Variants in CRLS1 observed in about 807,000 individuals in gnomAD.
The protein encoded by CRLS1 is cardiolipin synthase 1.
Under a neutral mutation model 37.0 loss-of-function variants are expected in CRLS1, and 24 were observed. The ratio of observed to expected loss-of-function variants is 0.65; its 90% CI spans 0.47 to 0.91. CRLS1 has a LOEUF of 0.91. Ranked by LOEUF, CRLS1 falls within the 40% of genes least tolerant of loss-of-function variation. The probability of loss-of-function intolerance (pLI) is 0.00; values close to 1 mark genes in which losing one functional copy is unlikely to be tolerated. For synonymous variants in CRLS1, 135 were observed against 159.7 expected (o/e 0.85, Z 1.17); for missense variants, 373 against 395.8 (o/e 0.94, Z 0.49).
chr20:6,025,713 G>A (rs1979625479), intron 3 of CRLS1, among the ~76,000 whole-genome samples: 2 of 152,204 alleles, frequency 1.3e-5, no homozygotes, highest in African/African-American at 4.8e-5. Context: ...ATTCATGGGA[G>A]AAAGTCAAAA....
At chr20:6,018,565 G>T (rs560128262) in intron 3 of CRLS1, among the ~76,000 whole-genome samples, 1 of 152,296 alleles carries the variant, frequency 6.6e-6, no homozygotes, top group South Asian at 2.1e-4. Flanking sequence ...GTTGGTTTTT[G>T]TCAGTATCCT....
chr20:6,006,495 G>A lies in CRLS1; in HGVS notation c.249G>A (p.Ala83=), dbSNP rs1459399230. Residue 83 remains alanine (A), a synonymous_variant, in exon 1 of 7, where the codon GCG becomes GCA. Coordinates refer to ENST00000378863, the MANE Select transcript of CRLS1 (RefSeq NM_019095.6). ...GKAAPRPAAG[A]GAAAEAPGGQ... is the part of the protein sequence containing the mutation. Reference sequence around the variant, plus strand: ...CGGCTCCCAGGCCAGCGGCCGGAGCGGGCGCCGCTGCCGAAGCCCCGGGCG... The same window carrying A: ...CGGCTCCCAGGCCAGCGGCCGGAGCAGGCGCCGCTGCCGAAGCCCCGGGCG... 4 of 1,361,798 alleles carry A rather than the reference G, an allele frequency of 2.9e-6. No individual in the cohort carries two copies. The highest frequency in any genetic ancestry group is 1.8e-5 in the South Asian group (1 of 55,824). 84.4% of individuals were successfully genotyped at this position (1,361,798 alleles called of 1,614,324 possible). A position where few individuals can be genotyped will look rare whatever the true frequency, so the allele number is the denominator to read the frequency against.
At position 6,038,435 on chromosome 20, in the gene CRLS1, C is replaced by G. The variant is rs910023161; in HGVS notation, c.*1277C>G. 1 of 152,448 alleles carries G rather than the reference C, an allele frequency of 6.6e-6. No individual in the cohort carries two copies. Among genetic ancestry groups the G allele is most frequent in the South Asian group, 2.1e-4 (1 of 4,828 alleles). 9.4% of individuals were successfully genotyped at this position (152,448 alleles called of 1,614,324 possible). A position where few individuals can be genotyped will look rare whatever the true frequency, so the allele number is the denominator to read the frequency against. On this transcript the variant is annotated 3_prime_UTR_variant, in exon 7 of 7. Coordinates refer to ENST00000378863, the MANE Select transcript of CRLS1 (RefSeq NM_019095.6). ...ATGCCTCTTGGCCAGGCATTCTGCA[C>G]CAGCGTGTCCCTCTGTGGCTTGCTG...
chr20:6,008,304 A>T lies in CRLS1; in HGVS notation c.307-1471A>T, dbSNP rs1417815624. Among the ~76,000 whole-genome samples the T allele has an allele frequency of 2.0e-5, 3 of 152,182 alleles. No homozygotes were observed. In the East Asian group the frequency reaches 5.8e-4, roughly 29 times the overall value. On this transcript the variant is annotated intron_variant, in intron 1 of 6. Transcript: ENST00000378863. ...GGAGTGGAATTGGCAGTCTTGACAC[A>T]GCGGAGAAAAAAAATCTAGGCTTCA...
At chr20:6,010,786 A>T (rs887756640) in intron 2 of CRLS1, among the ~76,000 whole-genome samples, 1 of 152,230 alleles carries the variant, frequency 6.6e-6, no homozygotes, top group Non-Finnish European at 1.5e-5. Context: ...TACACTTGTA[A>T]TTCCAGTGCT....
rs935871628 is a variant in CRLS1, at chr20:6,039,162, T to C, written c.*2004T>C. The C allele has an allele frequency of 6.6e-6, 1 of 152,250 alleles. No individual in the cohort carries two copies. Among genetic ancestry groups the C allele is most frequent in the East Asian group, 1.9e-4 (1 of 5,202 alleles). The allele number at this position is 152,250 out of a possible 1,614,324, so 9.4% of individuals were successfully genotyped here. On this transcript the variant is annotated 3_prime_UTR_variant, in exon 7 of 7. Transcript: ENST00000378863. ...GATTTTGGGCTTTTGCAGCGAATTT[T>C]AGTCGGGGCCTCATTCCTGAGCCCA...
chr20:6,037,770 T>TCTCA lies in CRLS1; in HGVS notation c.*613_*616dup, dbSNP rs1383803095. The stretch of plus-strand genomic sequence containing the variant: ...GTTCATTTTCGGTAGTCTTCCAACC[T>TCTCA]CTCAGGTGCCTAATAATTTATGTTT... On this transcript the variant is annotated 3_prime_UTR_variant, in exon 7 of 7. Transcript: ENST00000378863. The TCTCA allele has an allele frequency of 7.9e-5, 12 of 152,198 alleles. No individual in the cohort carries two copies. Among genetic ancestry groups the TCTCA allele is most frequent in the Admixed American group, 7.9e-4 (12 of 15,284 alleles). 9.4% of individuals were successfully genotyped at this position (152,198 alleles called of 1,614,324 possible).
Position 6,032,007 on chromosome 20 carries a change from G to T in CRLS1, c.661-5G>T. ...ATTACTTTATCTTTTTTGGTCCTCTGCCAGCGAACACTTGCCAAGTATTTC... is the reference window on the plus strand; with the variant it reads ...ATTACTTTATCTTTTTTGGTCCTCTTCCAGCGAACACTTGCCAAGTATTTC... On this transcript the variant is annotated splice_polypyrimidine_tract_variant and splice_region_variant and intron_variant, in intron 4 of 6. Coordinates refer to ENST00000378863, the MANE Select transcript of CRLS1 (RefSeq NM_019095.6). 6.2e-7 allele frequency: 1 copy of T among 1,608,688 alleles called. No individual in the cohort carries two copies. The highest frequency in any genetic ancestry group is 8.5e-7 in the Non-Finnish European group (1 of 1,176,724).
At chr20:6,012,427 G>A (rs1229164025) in intron 2 of CRLS1, among the ~76,000 whole-genome samples, 1 of 152,162 alleles carries the variant, frequency 6.6e-6, no homozygotes, top group Admixed American at 6.5e-5. Context: ...TGGAGTTGGA[G>A]AGAAGTGTGT....
At chr20:6,036,424 C>T (rs1158766753) in intron 6 of CRLS1, among the ~76,000 whole-genome samples, 2 of 152,186 alleles carry the variant, frequency 1.3e-5, no homozygotes, top group African/African-American at 4.8e-5. Flanking sequence ...GGGCATGCAG[C>T]ATGCCATGGG....
At chr20:6,018,238 T>A (rs61510952) in intron 3 of CRLS1, among the ~76,000 whole-genome samples, 14,625 of 99,064 alleles carry the variant, frequency 0.15, 896 homozygotes, top group Middle Eastern at 0.32. Flanking sequence ...AAAAAAAAAA[T>A]TATTTTCTTA....
At chr20:6,036,036 C>A (rs1276201837) in intron 6 of CRLS1, among the ~76,000 whole-genome samples, 1 of 152,082 alleles carries the variant, frequency 6.6e-6, no homozygotes, top group Non-Finnish European at 1.5e-5. Context: ...AACTCCTGGC[C>A]TCAGTTGATC....
chr20:6,011,429 T>A (rs2090130636), intron 2 of CRLS1, among the ~76,000 whole-genome samples: 1 of 152,106 alleles, frequency 6.6e-6, no homozygotes, highest in Non-Finnish European at 1.5e-5. Flanking sequence ...AGCATTTGCA[T>A]TGTTACATGG....
Position 6,029,985 on chromosome 20 carries a change from A to G in CRLS1, c.575-1300A>G, listed in dbSNP as rs184378972. On this transcript the variant is annotated intron_variant, in intron 3 of 6. Coordinates refer to ENST00000378863, the MANE Select transcript of CRLS1 (RefSeq NM_019095.6). ...TTGAATGTCAAAACTGGAGAGGACC[A>G]TAAGTATAGCCTCCAATAATTCATA... Among the ~76,000 whole-genome samples, 990 of 152,330 alleles carry G rather than the reference A, an allele frequency of 6.5e-3. 4 individuals are homozygous for G. The highest frequency in any genetic ancestry group is 0.01 in the Non-Finnish European group (681 of 68,014).
chr20:6,018,688 C>A (rs570453367), intron 3 of CRLS1, among the ~76,000 whole-genome samples: 1 of 152,244 alleles, frequency 6.6e-6, no homozygotes, highest in South Asian at 2.1e-4. Flanking sequence ...GTTGCTCATG[C>A]TGATCTTGAA....
intron 3 of CRLS1, chr20:6,031,050 A>C (rs2123018913): frequency 2.6e-6 from 1 of 383,412 alleles, no homozygotes; most frequent in East Asian, 4.1e-5. Flanking sequence ...AGGCAGATAC[A>C]GACTTCAAAG....
At chr20:6,019,379 T>C (rs1979031782) in intron 3 of CRLS1, among the ~76,000 whole-genome samples, 1 of 152,168 alleles carries the variant, frequency 6.6e-6, no homozygotes, top group African/African-American at 2.4e-5. Context: ...ATTAACTTTA[T>C]TTATTTACTT....
rs114155988 is a variant in CRLS1 at position 6,018,365 on chromosome 20, C to G, written c.574+2875C>G. Reference sequence around the variant, plus strand: ...CATATAAATTTGCTTGGATTTTTTACATGCTTATTTATGTCTTGTATGTAA... The same window carrying G: ...CATATAAATTTGCTTGGATTTTTTAGATGCTTATTTATGTCTTGTATGTAA... On this transcript the variant is annotated intron_variant, in intron 3 of 6. Transcript: ENST00000378863. Among the ~76,000 whole-genome samples the G allele has an allele frequency of 3.9e-3, 598 of 152,048 alleles. 6 individuals are homozygous for G. Among genetic ancestry groups the G allele is most frequent in the African/African-American group, 0.014 (585 of 41,480 alleles).
At chr20:6,015,524 C>G in intron 3 of CRLS1, 34 bp downstream of exon 3, 1 of 1,603,370 alleles carries the variant, frequency 6.2e-7, no homozygotes, top group Non-Finnish European at 8.5e-7. Flanking sequence ...TTGAATAGCA[C>G]AGGGAAGAAT....
Sources: gnomAD v4.1 joint callset for allele counts (sites outside exome capture counted in the v4.1 genomes callset) on GRCh38, gnomAD v4.1.1 for gene constraint, MANE v1.5 for transcripts, NCBI Gene and HGNC (gene_info 2026-07-23, HGNC 2026-07-21) for gene names.